The following IGSF11 variants were observed in gnomAD, a reference collection of about 807,000 sequenced individuals.
IGSF11 encodes CXADR like 1.
Under a neutral mutation model 41.0 loss-of-function variants are expected in IGSF11, and 22 were observed. The ratio of observed to expected loss-of-function variants is 0.54; its 90% confidence interval spans 0.38 to 0.77. The LOEUF (loss-of-function observed/expected upper bound fraction) is 0.77, where lower values mean the gene tolerates loss of function less well. Among genes scored for constraint, IGSF11 ranks in the 30% least tolerant of loss-of-function variants. IGSF11 has a pLI of 0.00. For missense variants in IGSF11, 444 were observed against 530.8 expected (o/e 0.84, Z 1.61); for synonymous variants, 219 against 201.3 (o/e 1.09, Z -0.74).
intron 1 of IGSF11, among the ~76,000 whole-genome samples, chr3:119,081,194 C>T (rs763113851): frequency 6.6e-5 from 10 of 151,812 alleles, no homozygotes; most frequent in Non-Finnish European, 1.0e-4. Context: ...CCTCATAGTC[C>T]CATTTTTCGT....
intron 1 of IGSF11, among the ~76,000 whole-genome samples, chr3:119,115,257 A>G (rs1235199854): frequency 6.6e-6 from 1 of 152,200 alleles, no homozygotes; most frequent in East Asian, 1.9e-4. Flanking sequence ...GCTTTGGGGT[A>G]TATACCTAGC....
At chr3:119,037,133 T>C (rs1940945771), upstream of IGSF11, among the ~76,000 whole-genome samples, 1 of 152,242 alleles carries the variant, frequency 6.6e-6, no homozygotes, top group Non-Finnish European at 1.5e-5. Context: ...AGTAATTTTT[T>C]ATTAGTAATG....
intron 1 of IGSF11, among the ~76,000 whole-genome samples, chr3:118,938,284 C>G (rs1475270914): frequency 6.6e-6 from 1 of 152,136 alleles, no homozygotes; most frequent in Non-Finnish European, 1.5e-5. Context: ...TAGGAATCCC[C>G]TTTTGGGGGG....
rs543815811 is a variant in IGSF11, at chr3:119,034,647, G to A, written c.-65C>T. 27 of 1,496,506 alleles carry A rather than the reference G, an allele frequency of 1.8e-5. No individual in the cohort carries two copies. The East Asian group carries it at 5.8e-4, about 32-fold the overall frequency. The allele number at this position is 1,496,506 out of a possible 1,614,324, so 92.7% of individuals were successfully genotyped here. A position where few individuals can be genotyped will look rare whatever the true frequency, so the allele number is the denominator to read the frequency against. On this transcript the variant is annotated 5_prime_UTR_variant, in exon 1 of 7. Coordinates refer to ENST00000393775, the MANE Select transcript of IGSF11 (RefSeq NM_001015887.3). ...CCCGGTCGCAACAGGAGAGGAGCGG[G>A]CGTGAGTCTCCGCGCTCTTGGGGCA... is the stretch of plus-strand genomic sequence containing the variant.
intron 1 of IGSF11, among the ~76,000 whole-genome samples, chr3:118,943,580 A>G (rs1943880565): frequency 6.6e-6 from 1 of 152,188 alleles, no homozygotes; most frequent in Non-Finnish European, 1.5e-5. Flanking sequence ...GAGAAAATAA[A>G]ATTTCTTGCT....
At chr3:119,082,892 C>A (rs1392831804) in intron 1 of IGSF11, among the ~76,000 whole-genome samples, 5 of 151,784 alleles carry the variant, frequency 3.3e-5, no homozygotes, top group Non-Finnish European at 5.9e-5. Flanking sequence ...ATAAAACAAA[C>A]AAAAAATGTT....
In IGSF11 at chr3:118,926,088, G is replaced by A. The variant is rs1057415063; in HGVS notation, c.580+13C>T. 58 of 1,547,716 alleles carry A rather than the reference G, an allele frequency of 3.7e-5. No homozygotes were observed. The highest frequency in any genetic ancestry group is 5.1e-5 in the Non-Finnish European group (58 of 1,138,230). On this transcript the variant is annotated intron_variant, in intron 4 of 6. Transcript: ENST00000393775. Reference sequence around the variant, plus strand: ...GATAACTAATAAAATGGGTAAAGCAGCACTGTACATACCCTGAGTAGCTGT... The same window carrying A: ...GATAACTAATAAAATGGGTAAAGCAACACTGTACATACCCTGAGTAGCTGT...
At chr3:119,043,216 G>A (rs1941190302) in intron 1 of IGSF11, among the ~76,000 whole-genome samples, 1 of 152,158 alleles carries the variant, frequency 6.6e-6, no homozygotes. Flanking sequence ...AATGGGAGGG[G>A]ACTCAAAGGG....
At chr3:118,931,630 G>C (rs1942859602) in intron 1 of IGSF11, among the ~76,000 whole-genome samples, 1 of 152,164 alleles carries the variant, frequency 6.6e-6, no homozygotes, top group South Asian at 2.1e-4. Context: ...TACCACCCGG[G>C]GATACACAGG....
At chr3:118,982,814 C>T (rs901245594) in intron 1 of IGSF11, among the ~76,000 whole-genome samples, 4 of 152,168 alleles carry the variant, frequency 2.6e-5, no homozygotes, top group Admixed American at 6.5e-5. Context: ...CTAGATTATG[C>T]CTTGACAGCA....
intron 1 of IGSF11, among the ~76,000 whole-genome samples, chr3:118,946,602 T>C (rs1344787516): frequency 1.3e-5 from 2 of 152,306 alleles, no homozygotes; most frequent in African/African-American, 2.4e-5. Flanking sequence ...GATTATGACT[T>C]TGTGTCCAAT....
At position 119,002,384 on chromosome 3, in the gene IGSF11, A is replaced by G. The variant is rs895184535; in HGVS notation, c.52+32147T>C. The stretch of plus-strand genomic sequence containing the variant: ...ATTCTGGATATTAGCCCTTTGTCAG[A>G]TGAGTAGGTTGTGAAAATTTTCTCC... On this transcript the variant is annotated intron_variant, in intron 1 of 6. Transcript: ENST00000393775. Among the ~76,000 whole-genome samples, 1,436 of 150,888 alleles carry G rather than the reference A, an allele frequency of 9.5e-3. 49 individuals are homozygous for G. In the East Asian group the frequency reaches 0.11, roughly 12 times the overall value.
intron 1 of IGSF11, among the ~76,000 whole-genome samples, chr3:119,057,641 C>G (rs557710019): frequency 6.6e-6 from 1 of 152,222 alleles, no homozygotes; most frequent in African/African-American, 2.4e-5. Context: ...TCATGTGGAA[C>G]CAAAAAAGAA....
chr3:118,946,171 G>A (rs536359442), intron 1 of IGSF11: 8 of 149,724 alleles, frequency 5.3e-5, no homozygotes, highest in South Asian at 2.1e-4. Context: ...AAAAATATAC[G>A]TACATTATTA....
intron 1 of IGSF11, among the ~76,000 whole-genome samples, chr3:119,003,724 G>A (rs1322556033): frequency 6.6e-6 from 1 of 151,950 alleles, no homozygotes. Context: ...AGATAATCAT[G>A]TGGTTTTTGT....
At chr3:119,093,090 A>G (rs1231199565) in intron 1 of IGSF11, among the ~76,000 whole-genome samples, 2 of 152,210 alleles carry the variant, frequency 1.3e-5, no homozygotes, top group Non-Finnish European at 2.9e-5. Context: ...ACATGATTGT[A>G]TATTAAGATA....
chr3:118,977,749 A>G (rs1373245075), intron 1 of IGSF11, among the ~76,000 whole-genome samples: 1 of 152,126 alleles, frequency 6.6e-6, no homozygotes. Flanking sequence ...CTTGAAAGTA[A>G]CATAAGGTGT....
At chr3:119,022,744 G>A (rs1939420344) in intron 1 of IGSF11, among the ~76,000 whole-genome samples, 1 of 152,106 alleles carries the variant, frequency 6.6e-6, no homozygotes. Flanking sequence ...AATACCTAGT[G>A]TTCACTGACA....
intron 1 of IGSF11, among the ~76,000 whole-genome samples, chr3:118,957,336 A>G (rs1200989249): frequency 1.3e-5 from 2 of 152,214 alleles, no homozygotes; most frequent in Non-Finnish European, 1.5e-5. Context: ...TCAGAAAAAA[A>G]TGTTTAATCT....
Sources: gnomAD v4.1 joint callset for allele counts (sites outside exome capture counted in the v4.1 genomes callset) on GRCh38, gnomAD v4.1.1 for gene constraint, MANE v1.5 for transcripts, NCBI Gene and HGNC (gene_info 2026-07-23, HGNC 2026-07-21) for gene names.